Variants in GPAT3 observed in about 807,000 individuals in gnomAD.
GPAT3 encodes glycerol-3-phosphate acyltransferase 3, also known as 1-AGP acyltransferase 9.
A neutral mutation model predicts 58.8 loss-of-function variants in GPAT3; 53 were observed. The observed-to-expected ratio is 0.90, with a 90% confidence interval of 0.72 to 1.13. The LOEUF is 1.13. GPAT3 is among the 50% of genes most tolerant of loss of function. GPAT3 has a pLI of 0.00. For missense variants in GPAT3, 511 were observed against 527.6 expected, an observed-to-expected ratio of 0.97 and a Z score of 0.31; for synonymous variants, 197 against 187.4, an observed-to-expected ratio of 1.05 and a Z score of -0.42.
At chr4:83,597,563 G>C (rs747112365) in intron 9 of GPAT3, 48 bp downstream of exon 9, 2 of 1,282,900 alleles carry the variant, frequency 1.6e-6, no homozygotes, top group Non-Finnish European at 1.1e-6. Context: ...AAAGATATTG[G>C]ATTGGTAATT....
chr4:83,602,116 C>T (rs1199913277), intron 11 of GPAT3, among the ~76,000 whole-genome samples: 2 of 152,186 alleles, frequency 1.3e-5, no homozygotes, highest in African/African-American at 4.8e-5. Context: ...GTCATACGTG[C>T]AACTGGGTTC....
chr4:83,600,338 T>A (rs1403607814), intron 11 of GPAT3, among the ~76,000 whole-genome samples: 1 of 152,072 alleles, frequency 6.6e-6, no homozygotes, highest in Non-Finnish European at 1.5e-5. Context: ...CCATGAGTGC[T>A]CCACCCTCAT....
intron 9 of GPAT3, 54 bp from the exon 10 acceptor site, chr4:83,597,997 C>A: frequency 6.2e-7 from 1 of 1,600,734 alleles, no homozygotes. Context: ...ACATTGGGCA[C>A]GGATGAGAAA....
intron 2 of GPAT3, among the ~76,000 whole-genome samples, chr4:83,558,416 A>G (rs1725015248): frequency 6.6e-6 from 1 of 152,214 alleles, no homozygotes; most frequent in Admixed American, 6.5e-5. Context: ...AACAGAACCT[A>G]AAAAGATGCT....
Position 83,544,564 on chromosome 4 carries a change from C to A in GPAT3, c.170C>A (p.Thr57Asn). The change falls in exon 2 of 12, where the codon ACC (threonine) becomes AAC (asparagine). Residue 57 changes from threonine to asparagine, a missense_variant. Transcript: ENST00000264409. ...EWATIRIEKG[T>N]PKESILKNSA... ...GCCACAATACGAATTGAAAAAGGAA[C>A]CCCAAAGGAGTCGATTCTTAAAAAC... The A allele has an allele frequency of 1.2e-6, 2 of 1,613,962 alleles. No individual in the cohort carries two copies. Among genetic ancestry groups the A allele is most frequent in the Non-Finnish European group, 1.7e-6 (2 of 1,179,970 alleles).
At position 83,597,509 on chromosome 4, in the gene GPAT3, A is replaced by G; in HGVS notation, c.990A>G (p.Ala330=). Residue 330 remains alanine (A), a synonymous_variant, in exon 9 of 12, where the codon GCA becomes GCG. Coordinates refer to ENST00000264409, the MANE Select transcript of GPAT3 (RefSeq NM_032717.5). ...FEIGGTIHPV[A]IKYNPQFGDA... ...TTGGAGGAACCATACATCCAGTTGC[A>G]ATTAAGGTAAAACAGATACCATAAT... 1 of 1,547,368 alleles carries G rather than the reference A, an allele frequency of 6.5e-7. No homozygotes were observed. The highest frequency in any genetic ancestry group is 8.8e-7 in the Non-Finnish European group (1 of 1,137,680).
chr4:83,565,964 C>T (rs572389128), intron 2 of GPAT3, among the ~76,000 whole-genome samples: 8 of 152,208 alleles, frequency 5.3e-5, no homozygotes, highest in Non-Finnish European at 1.0e-4. Flanking sequence ...AGATCTTTAA[C>T]TGACATGGGT....
chr4:83,577,131 A>G (rs1049196393), intron 2 of GPAT3, among the ~76,000 whole-genome samples: 37 of 152,216 alleles, frequency 2.4e-4, no homozygotes, highest in African/African-American at 8.9e-4. Context: ...TCATGAAGAA[A>G]CGTTAGGCAA....
At chr4:83,538,512 GCT>G (rs1232684884) in intron 1 of GPAT3, among the ~76,000 whole-genome samples, 1 of 152,162 alleles carries the variant, frequency 6.6e-6, no homozygotes, top group African/African-American at 2.4e-5. Context: ...TGATTGAACT[GCT>G]CTCTCATACA....
intron 2 of GPAT3, among the ~76,000 whole-genome samples, chr4:83,552,771 T>C (rs952187039): frequency 3.3e-5 from 5 of 152,162 alleles, no homozygotes; most frequent in African/African-American, 1.2e-4. Context: ...CTTCCCAAAT[T>C]GATATGTTGA....
chr4:83,604,841 T>G lies in GPAT3; in HGVS notation c.*74T>G. 8.2e-7 allele frequency: 1 copy of G among 1,219,800 alleles called. No individual in the cohort carries two copies. Among genetic ancestry groups the G allele is most frequent in the Non-Finnish European group, 1.2e-6 (1 of 858,102 alleles). The allele number at this position is 1,219,800 out of a possible 1,614,324, so 75.6% of individuals were successfully genotyped here. ...ATGGCTTTTTTTGTTTTGTTTTGTT[T>G]TATTGTTTTGTTTTTATTATTGTTA... On this transcript the variant is annotated 3_prime_UTR_variant, in exon 12 of 12. Transcript: ENST00000264409.
chr4:83,562,201 T>TATATATATATTATATATATATATATA (rs1725171774), intron 2 of GPAT3, among the ~76,000 whole-genome samples: 1 of 34,404 alleles, frequency 2.9e-5, no homozygotes, highest in African/African-American at 2.0e-4. Flanking sequence ...ATATATATAA[T>TATATATATATTATATATATATATATA]ATATATATAT....
intron 2 of GPAT3, among the ~76,000 whole-genome samples, chr4:83,544,894 GAAAA>G (rs879338292): frequency 1.4e-5 from 2 of 138,378 alleles, no homozygotes. Context: ...ATGGCCAAAA[GAAAA>G]AAAAAAAGAA....
chr4:83,586,121 T>C (rs1053842406), intron 3 of GPAT3, among the ~76,000 whole-genome samples: 2 of 152,184 alleles, frequency 1.3e-5, no homozygotes, highest in African/African-American at 4.8e-5. Flanking sequence ...GATGATTAAA[T>C]GTGTTAAATA....
chr4:83,579,009 C>T lies in GPAT3; in HGVS notation c.209-2553C>T, dbSNP rs1432787653. Among the ~76,000 whole-genome samples the T allele has an allele frequency of 9.1e-3, 957 of 105,496 alleles. 94 individuals are homozygous for T. Among genetic ancestry groups the T allele is most frequent in the African/African-American group, 0.031 (681 of 22,230 alleles). The allele number at this position is 105,496 out of a possible 152,430, so 69.2% of individuals were successfully genotyped here. A position where few individuals can be genotyped will look rare whatever the true frequency, so the allele number is the denominator to read the frequency against. On this transcript the variant is annotated intron_variant, in intron 2 of 11. Transcript: ENST00000264409. ...CTTTCCTTCCTTCCTTCCTTCCTTC[C>T]TTCTTTCCCTTTCTTTCTTTCTTTC...
chr4:83,551,548 C>A (rs1364368654), intron 2 of GPAT3, among the ~76,000 whole-genome samples: 1 of 151,918 alleles, frequency 6.6e-6, no homozygotes, highest in African/African-American at 2.4e-5. Context: ...AATCCCAGCA[C>A]TTTGGGAGGC....
intron 1 of GPAT3, among the ~76,000 whole-genome samples, chr4:83,537,045 G>A (rs992889580): frequency 1.3e-5 from 2 of 152,178 alleles, no homozygotes; most frequent in Admixed American, 1.3e-4. Context: ...TTATTTTACT[G>A]ATTAGAATAA....
rs757255263 is a variant in GPAT3, at chr4:83,604,791, T to C, written c.*24T>C. ...AAGAGGACGGATGACAGCCTTTAGA[T>C]CTAGAACTAGCCCTTAGAAATGGAA... On this transcript the variant is annotated 3_prime_UTR_variant, in exon 12 of 12. Transcript: ENST00000264409. 28 of 1,577,156 alleles carry C rather than the reference T, an allele frequency of 1.8e-5. No individual in the cohort carries two copies. The highest frequency in any genetic ancestry group is 2.4e-5 in the Non-Finnish European group (28 of 1,148,354).
At chr4:83,545,461 C>T (rs891944383) in intron 2 of GPAT3, among the ~76,000 whole-genome samples, 8 of 148,976 alleles carry the variant, frequency 5.4e-5, no homozygotes, top group African/African-American at 1.7e-4. Context: ...AAAAAAAAGT[C>T]AAACTATCAA....
Sources: allele counts gnomAD v4.1 joint callset (sites outside exome capture counted in the v4.1 genomes callset), GRCh38; gene constraint gnomAD v4.1.1; transcripts MANE v1.5; gene names NCBI Gene and HGNC (gene_info 2026-07-23, HGNC 2026-07-21).